The following RAPGEF5 variants were observed in gnomAD, a reference collection of about 807,000 sequenced individuals.
RAPGEF5 encodes the protein Rap guanine nucleotide exchange factor 5, also known as M-Ras-regulated GEF.
Under a neutral mutation model 125.2 loss-of-function variants are expected in RAPGEF5, and 65 were observed. That is an observed-to-expected ratio of 0.52 (90% CI 0.43 to 0.64). RAPGEF5 has a LOEUF of 0.64. RAPGEF5 is among the 30% of genes least tolerant of loss of function. The pLI, the probability that RAPGEF5 is intolerant of heterozygous loss-of-function variation, is 0.00. For synonymous variants in RAPGEF5, 391 were observed against 385.9 expected (o/e 1.01, Z -0.16); for missense variants, 958 against 1,048.1 (o/e 0.91, Z 1.19).
intron 1 of RAPGEF5, among the ~76,000 whole-genome samples, chr7:22,346,407 T>C (rs1784225605): frequency 6.6e-6 from 1 of 152,170 alleles, no homozygotes; most frequent in South Asian, 2.1e-4. Context: ...TTTTTGCAGA[T>C]TTCATTCCTA....
chr7:22,318,586 G>T (rs12333620), intron 1 of RAPGEF5, among the ~76,000 whole-genome samples: 33,371 of 152,108 alleles, frequency 0.22, 3,732 homozygotes, highest in Admixed American at 0.24. Context: ...CAGATTTCCA[G>T]TATTCTCTTT....
intron 3 of RAPGEF5, among the ~76,000 whole-genome samples, chr7:22,313,543 T>C (rs1218940222): frequency 1.3e-5 from 2 of 152,214 alleles, no homozygotes; most frequent in African/African-American, 4.8e-5. Context: ...ACACATGCTC[T>C]CTCCCCATTC....
Position 22,125,475 on chromosome 7 carries a change from C to T in RAPGEF5, c.2536+129G>A. 5 of 825,046 alleles carry T rather than the reference C, an allele frequency of 6.1e-6. No homozygotes were observed. The East Asian group carries it at 7.8e-5, about 13-fold the overall frequency. 51.1% of individuals were successfully genotyped at this position (825,046 alleles called of 1,614,324 possible). A position where few individuals can be genotyped will look rare whatever the true frequency, so the allele number is the denominator to read the frequency against. ...AAAGAGACAATCTACTATATATATA[C>T]AATATGCGTATGTATATACATATGA... On this transcript the variant is annotated intron_variant, in intron 25 of 25. Transcript: ENST00000665637.
At chr7:22,268,697 C>T (rs1019663938) in intron 6 of RAPGEF5, among the ~76,000 whole-genome samples, 3 of 152,170 alleles carry the variant, frequency 2.0e-5, no homozygotes, top group South Asian at 2.1e-4. Context: ...AAATCATGCA[C>T]GAGGTGGATC....
intron 7 of RAPGEF5, among the ~76,000 whole-genome samples, chr7:22,232,868 A>G (rs1786093201): frequency 6.6e-6 from 1 of 152,222 alleles, no homozygotes; most frequent in African/African-American, 2.4e-5. Flanking sequence ...TAACTTTATG[A>G]AAGAAGAAAA....
chr7:22,230,697 T>C, intron 8 of RAPGEF5, 149 bp downstream of exon 8: 1 of 676,880 alleles, frequency 1.5e-6, no homozygotes, highest in South Asian at 2.2e-5. Flanking sequence ...GAAATACCTT[T>C]ATATCAAAAC....
intron 6 of RAPGEF5, among the ~76,000 whole-genome samples, chr7:22,289,619 A>G (rs17718844): frequency 0.058 from 8,527 of 146,968 alleles, 282 homozygotes; most frequent in South Asian, 0.088. Context: ...AATATTTTAA[A>G]CCGAAAAGTT....
chr7:22,185,116 C>A (rs979318249), intron 11 of RAPGEF5, among the ~76,000 whole-genome samples: 2 of 152,292 alleles, frequency 1.3e-5, no homozygotes, highest in East Asian at 1.9e-4. Flanking sequence ...TTCAATTATG[C>A]CTTTCATCCA....
In RAPGEF5 at chr7:22,315,547, CTATATA is replaced by C. The variant is rs5882843; in HGVS notation, c.283-77_283-72del. The C allele has an allele frequency of 7.8e-3, 3,221 of 413,702 alleles. 97 individuals are homozygous for C. Among genetic ancestry groups the C allele is most frequent in the African/African-American group, 0.064 (2,871 of 44,598 alleles). The allele number at this position is 413,702 out of a possible 1,614,324, so 25.6% of individuals were successfully genotyped here. ...CAATTTGTGAACTACCAATAGCATA[CTATATA>C]TATATATATATATATTTATATATAT... On this transcript the variant is annotated intron_variant, in intron 2 of 25. Coordinates refer to ENST00000665637, the MANE Select transcript of RAPGEF5 (RefSeq NM_012294.5).
Position 22,121,394 on chromosome 7 carries a change from C to T in RAPGEF5, c.*1012G>A, listed in dbSNP as rs1487068703. The T allele has an allele frequency of 6.6e-6, 1 of 152,140 alleles. No homozygotes were observed. The highest frequency in any genetic ancestry group is 1.9e-4 in the East Asian group (1 of 5,188). 9.4% of individuals were successfully genotyped at this position (152,140 alleles called of 1,614,324 possible). A position where few individuals can be genotyped will look rare whatever the true frequency, so the allele number is the denominator to read the frequency against. ...CCACTATCTTATTACCTAGAGAGTG[C>T]TAAGTGCTTCACTCATTAAATGTCA... On this transcript the variant is annotated 3_prime_UTR_variant, in exon 26 of 26. Transcript: ENST00000665637.
intron 13 of RAPGEF5, among the ~76,000 whole-genome samples, chr7:22,161,171 T>G (rs1166336266): frequency 1.3e-5 from 2 of 152,144 alleles, no homozygotes; most frequent in Non-Finnish European, 2.9e-5. Flanking sequence ...ATCGCGCCAC[T>G]GCACTCCAGC....
chr7:22,244,391 A>G (rs1786422767), intron 7 of RAPGEF5, among the ~76,000 whole-genome samples: 1 of 152,130 alleles, frequency 6.6e-6, no homozygotes, highest in Non-Finnish European at 1.5e-5. Flanking sequence ...GCGGTGGGTG[A>G]GTGAACATTA....
rs557082843 is a variant in RAPGEF5, at chr7:22,343,947, A to G, written c.231+12883T>C. On this transcript the variant is annotated intron_variant, in intron 1 of 25. Coordinates refer to ENST00000665637, the MANE Select transcript of RAPGEF5 (RefSeq NM_012294.5). ...AGAAAAAACATTGCTAGGCAATTGC[A>G]GAGAAGGAATGCCAATTCCTCATAT... is the stretch of plus-strand genomic sequence containing the variant. 2.6e-5 allele frequency among the ~76,000 whole-genome samples: 4 copies of G among 152,108 alleles called. No individual in the cohort carries two copies. The South Asian group carries it at 6.2e-4, about 24-fold the overall frequency.
rs148642359 is a variant in RAPGEF5, at chr7:22,167,163, A to G, written c.1205-15T>C. 6.2e-7 allele frequency: 1 copy of G among 1,600,550 alleles called. No homozygotes were observed. Among genetic ancestry groups the G allele is most frequent in the East Asian group, 2.2e-5 (1 of 44,794 alleles). On this transcript the variant is annotated splice_polypyrimidine_tract_variant and intron_variant, in intron 11 of 25. Coordinates refer to ENST00000665637, the MANE Select transcript of RAPGEF5 (RefSeq NM_012294.5). ...CAGGAGGGTCTCTGCAAAGAAAAAA[A>G]AAACAAACACAAGGTAAGCAAAGAG...
chr7:22,324,008 T>C (rs191462990), intron 1 of RAPGEF5, among the ~76,000 whole-genome samples: 176 of 152,266 alleles, frequency 1.2e-3, no homozygotes, highest in African/African-American at 3.8e-3. Context: ...TGATGAGACA[T>C]AGGATATTTG....
chr7:22,166,821 G>C (rs1784181396), intron 12 of RAPGEF5, among the ~76,000 whole-genome samples: 1 of 152,212 alleles, frequency 6.6e-6, no homozygotes, highest in Admixed American at 6.5e-5. Context: ...ATGAGGCACA[G>C]ATGTGAAGCG....
chr7:22,171,028 T>G (rs1784333563), intron 11 of RAPGEF5, among the ~76,000 whole-genome samples: 1 of 152,040 alleles, frequency 6.6e-6, no homozygotes, highest in African/African-American at 2.4e-5. Context: ...ATTCATGTTT[T>G]TTTTTTTTTC....
At chr7:22,258,624 C>CAAAAAAAAAAAAAAAAA (rs34352575) in intron 7 of RAPGEF5, among the ~76,000 whole-genome samples, 1 of 45,808 alleles carries the variant, frequency 2.2e-5, no homozygotes, top group Non-Finnish European at 3.9e-5. Flanking sequence ...AACTCCGTCT[C>CAAAAAAAAAAAAAAAAA]AAAAAAAAAA....
chr7:22,315,559 AT>A (rs1783571492), intron 2 of RAPGEF5, 83 bp from the exon 3 acceptor site: 3 of 595,280 alleles, frequency 5.0e-6, no homozygotes, highest in Admixed American at 1.2e-4. Context: ...ATATATATAT[AT>A]ATATATATTT....
Sources: allele counts gnomAD v4.1 joint callset (sites outside exome capture counted in the v4.1 genomes callset), GRCh38; gene constraint gnomAD v4.1.1; transcripts MANE v1.5; gene names NCBI Gene and HGNC (gene_info 2026-07-23, HGNC 2026-07-21).